The following COL4A2 variants were observed in gnomAD, a reference collection of about 807,000 sequenced individuals.
COL4A2 encodes the protein collagen alpha-2(IV) chain.
Under a neutral mutation model 200.2 loss-of-function variants are expected in COL4A2, and 99 were observed. The observed-to-expected ratio is 0.49, with a 90% CI of 0.42 to 0.58. The LOEUF (loss-of-function observed/expected upper bound fraction) is 0.58, where lower values mean the gene tolerates loss of function less well. Among genes scored for constraint, COL4A2 ranks in the 20% least tolerant of loss-of-function variants. The pLI is 0.00. For missense variants in COL4A2, 1,950 were observed against 2,314.1 expected, an observed-to-expected ratio of 0.84 and a Z score of 3.23; for synonymous variants, 897 against 900.6, an observed-to-expected ratio of 1.00 and a Z score of 0.07.
At chr13:110,418,822 T>G (rs1255191464) in intron 4 of COL4A2, among the ~76,000 whole-genome samples, 1 of 152,244 alleles carries the variant, frequency 6.6e-6, no homozygotes, top group South Asian at 2.1e-4. Flanking sequence ...GTACAAATAC[T>G]AGCCTTTACA....
intron 4 of COL4A2, among the ~76,000 whole-genome samples, chr13:110,417,727 T>G (rs1224963257): frequency 2.0e-5 from 3 of 152,246 alleles, no homozygotes; most frequent in African/African-American, 7.2e-5. Context: ...TAGCATTTTG[T>G]GTCTGGCTTC....
intron 22 of COL4A2, among the ~76,000 whole-genome samples, chr13:110,460,485 A>G (rs1188353595): frequency 6.6e-6 from 1 of 152,200 alleles, no homozygotes; most frequent in African/African-American, 2.4e-5. Flanking sequence ...TGGCAAAGCT[A>G]GTAGGATCCT....
chr13:110,428,605 G>A, intron 7 of COL4A2, 22 bp downstream of exon 7: 1 of 1,387,620 alleles, frequency 7.2e-7, no homozygotes, highest in Non-Finnish European at 9.7e-7. Context: ...CACAGCGCCT[G>A]TGCTCCAGGG....
chr13:110,496,217 T>C (rs1410214298), intron 40 of COL4A2, among the ~76,000 whole-genome samples: 1 of 152,212 alleles, frequency 6.6e-6, no homozygotes, highest in Non-Finnish European at 1.5e-5. Context: ...CTAGTGCCAA[T>C]TCCCCATGAA....
At position 110,307,637 on chromosome 13, in the gene COL4A2, G is replaced by A. The variant is rs901069821; in HGVS notation, c.-45+109G>A. 4 of 555,576 alleles carry A rather than the reference G, an allele frequency of 7.2e-6. No individual in the cohort carries two copies. The East Asian group carries it at 1.2e-4, about 17-fold the overall frequency. 34.4% of individuals were successfully genotyped at this position (555,576 alleles called of 1,614,324 possible). ...TCTCCTGCTTGGGAGTAGAAAGGGGGAGGGTGGGAGAGCGAAGACCGAGCT... is the reference window on the plus strand; with the variant it reads ...TCTCCTGCTTGGGAGTAGAAAGGGGAAGGGTGGGAGAGCGAAGACCGAGCT... On this transcript the variant is annotated intron_variant, in intron 1 of 47. Transcript: ENST00000360467. The surrounding 1 kb of genome is among the most constrained non-coding windows in gnomAD (Gnocchi z 5.0).
intron 28 of COL4A2, among the ~76,000 whole-genome samples, chr13:110,469,921 TTTTTTTTTA>T (rs1223024659): frequency 3.4e-5 from 5 of 146,408 alleles, no homozygotes; most frequent in African/African-American, 1.3e-4. Flanking sequence ...TTTTTTTTTT[TTTTTTTTTA>T]ATGAAATGGA....
At chr13:110,387,055 T>C (rs945218247) in intron 4 of COL4A2, among the ~76,000 whole-genome samples, 1 of 152,084 alleles carries the variant, frequency 6.6e-6, no homozygotes, top group African/African-American at 2.4e-5. Context: ...CTGGCCAACA[T>C]GGTGAAACCC....
rs1881302554 is a variant in COL4A2, at chr13:110,445,888, C to T, written c.1011+6C>T. On this transcript the variant is annotated splice_donor_region_variant and intron_variant, in intron 17 of 47. Transcript: ENST00000360467. ...ATGGACCCCGGGGACCCAAGGTGAGCCCGTTTCTCATGTCTTTGCCACTTA... is the reference window on the plus strand; with the variant it reads ...ATGGACCCCGGGGACCCAAGGTGAGTCCGTTTCTCATGTCTTTGCCACTTA... 8 of 1,614,106 alleles carry T rather than the reference C, an allele frequency of 5.0e-6. No individual in the cohort carries two copies. The highest frequency in any genetic ancestry group is 6.8e-6 in the Non-Finnish European group (8 of 1,179,978).
rs370033382 is a variant in COL4A2, at chr13:110,357,774, C to T, written c.180+222C>T. 2.6e-5 allele frequency among the ~76,000 whole-genome samples: 4 copies of T among 152,090 alleles called. No individual in the cohort carries two copies. In the South Asian group the frequency reaches 6.2e-4, roughly 24 times the overall value. On this transcript the variant is annotated intron_variant, in intron 4 of 47. Transcript: ENST00000360467. Reference sequence around the variant, plus strand: ...CTACAAACCTGTACGTAGGCAGTTGCGACACAGTACTATTTGTATATCTAA... The same window carrying T: ...CTACAAACCTGTACGTAGGCAGTTGTGACACAGTACTATTTGTATATCTAA...
rs1879092590 is a variant in COL4A2 at position 110,394,002 on chromosome 13, C to T, written c.181-30732C>T. 2.6e-5 allele frequency among the ~76,000 whole-genome samples: 4 copies of T among 152,272 alleles called. No individual in the cohort carries two copies. The South Asian group carries it at 8.3e-4, about 32-fold the overall frequency. On this transcript the variant is annotated intron_variant, in intron 4 of 47. Transcript: ENST00000360467. ...AATGAGGTGTTGGCCATACCCCCTGCCACTATATGATGACTTTCTCCACCA... is the reference window on the plus strand; with the variant it reads ...AATGAGGTGTTGGCCATACCCCCTGTCACTATATGATGACTTTCTCCACCA...
intron 33 of COL4A2, 55 bp downstream of exon 33, chr13:110,485,082 A>AC: frequency 6.8e-7 from 1 of 1,466,856 alleles, no homozygotes; most frequent in Non-Finnish European, 9.2e-7. Flanking sequence ...CCCAGCCCGC[A>AC]CCAGCTCGTG....
intron 17 of COL4A2, among the ~76,000 whole-genome samples, chr13:110,446,155 G>A (rs756444280): frequency 7.9e-5 from 12 of 152,208 alleles, no homozygotes; most frequent in Non-Finnish European, 1.6e-4. Flanking sequence ...GGGAAGGCAG[G>A]CCTTGTAGTA....
Position 110,479,416 on chromosome 13 carries a change from G to A in COL4A2, c.2588-804G>A, listed in dbSNP as rs113949061. On this transcript the variant is annotated intron_variant, in intron 30 of 47. Coordinates refer to ENST00000360467, the MANE Select transcript of COL4A2 (RefSeq NM_001846.4). ...GCCAGCGGGGAGAAGGCTGGGACTG[G>A]AATGTGGGGTGCTCTCTAGGAAAGG... Among the ~76,000 whole-genome samples the A allele has an allele frequency of 2.6e-5, 4 of 152,150 alleles. No individual in the cohort carries two copies. In the South Asian group the frequency reaches 8.5e-4, roughly 32 times the overall value.
chr13:110,368,786 G>C (rs1877866143), intron 4 of COL4A2, among the ~76,000 whole-genome samples: 1 of 139,872 alleles, frequency 7.1e-6, no homozygotes, highest in East Asian at 2.2e-4. Context: ...AGTTACATTA[G>C]TGCCATAATT....
chr13:110,382,543 T>TA (rs1365595715), intron 4 of COL4A2, among the ~76,000 whole-genome samples: 1 of 152,258 alleles, frequency 6.6e-6, no homozygotes, highest in Non-Finnish European at 1.5e-5. Context: ...ACTCTGTGCG[T>TA]AAACTTCTAT....
intron 3 of COL4A2, among the ~76,000 whole-genome samples, chr13:110,318,316 G>A (rs1021190542): frequency 6.8e-6 from 1 of 148,068 alleles, no homozygotes; most frequent in East Asian, 2.2e-4. Flanking sequence ...GTGTGTGCGC[G>A]CGGGTATGGT....
chr13:110,482,404 C>A, intron 31 of COL4A2, 112 bp from the exon 32 acceptor site: 1 of 1,191,138 alleles, frequency 8.4e-7, no homozygotes, highest in Non-Finnish European at 1.2e-6. Flanking sequence ...ATTTTAGGTT[C>A]AGAATCTTCT....
chr13:110,449,916 T>C lies in COL4A2; in HGVS notation c.1189+127T>C, dbSNP rs74375323. The C allele has an allele frequency of 6.2e-3, 6,648 of 1,073,374 alleles. 247 individuals are homozygous for C. In the African/African-American group the frequency reaches 0.081, roughly 13 times the overall value. The allele number at this position is 1,073,374 out of a possible 1,614,324, so 66.5% of individuals were successfully genotyped here. On this transcript the variant is annotated intron_variant, in intron 19 of 47. Coordinates refer to ENST00000360467, the MANE Select transcript of COL4A2 (RefSeq NM_001846.4). ...GTTACTTTTCCCCACTGACTAGTCT[T>C]AGCAGCTCTAAGGAGCCCCGCACAC...
At chr13:110,475,938 C>T (rs1041332613) in intron 29 of COL4A2, among the ~76,000 whole-genome samples, 5 of 152,258 alleles carry the variant, frequency 3.3e-5, no homozygotes, top group East Asian at 1.9e-4. Context: ...CAAAGCACCT[C>T]GGTGCCTGAT....
Sources: allele counts gnomAD v4.1 joint callset (sites outside exome capture counted in the v4.1 genomes callset), GRCh38; gene constraint gnomAD v4.1.1; non-coding constraint Gnocchi (gnomAD v3.1); transcripts MANE v1.5; gene names NCBI Gene and HGNC (gene_info 2026-07-23, HGNC 2026-07-21).